The following RBFOX1 variants were observed in gnomAD, a reference collection of about 807,000 sequenced individuals.
RBFOX1 encodes RNA binding fox-1 homolog 1, also known as RNA binding protein fox-1 homolog 1.
A neutral mutation model predicts 57.7 loss-of-function variants in RBFOX1; 8 were observed. The ratio of observed to expected loss-of-function variants is 0.14; its 90% confidence interval spans 0.08 to 0.25. The LOEUF (loss-of-function observed/expected upper bound fraction) is 0.25. Ranked by LOEUF, RBFOX1 falls within the 10% of genes least tolerant of loss-of-function variation. The pLI is 1.00. For missense variants in RBFOX1, 611 were observed against 548.5 expected, an observed-to-expected ratio of 1.11 and a Z score of -1.14; for synonymous variants, 326 against 222.4, an observed-to-expected ratio of 1.47 and a Z score of -4.15.
intron 1 of RBFOX1, among the ~76,000 whole-genome samples, chr16:6,146,924 C>T (rs868049308): frequency 1.3e-5 from 2 of 152,234 alleles, no homozygotes; most frequent in African/African-American, 4.8e-5. Flanking sequence ...CATGGCATCA[C>T]GTGGCTCTTC....
chr16:6,513,699 A>C (rs887329171), intron 2 of RBFOX1, among the ~76,000 whole-genome samples: 1 of 152,138 alleles, frequency 6.6e-6, no homozygotes, highest in African/African-American at 2.4e-5. Context: ...GCACCATTGC[A>C]CTCCAGCCTG....
At chr16:5,911,759 T>C (rs1259179121) in intron 4 of RBFOX1, among the ~76,000 whole-genome samples, 1 of 152,138 alleles carries the variant, frequency 6.6e-6, no homozygotes, top group Non-Finnish European at 1.5e-5. Flanking sequence ...TCACAGGTGG[T>C]GCCTTTGCAC....
In RBFOX1 at chr16:6,515,783, C is replaced by T. The variant is rs561395296; in HGVS notation, c.-63-138820C>T. Among the ~76,000 whole-genome samples, 175 of 152,246 alleles carry T rather than the reference C, an allele frequency of 1.1e-3. 2 individuals are homozygous for T. The highest frequency in any genetic ancestry group is 4.0e-3 in the African/African-American group (168 of 41,548). ...TAAACATACTTGCACCTGCTGTTTC[C>T]TTTACCTGGAACAGCTCCTTCATCC... On this transcript the variant is annotated intron_variant, in intron 2 of 15. Coordinates refer to ENST00000550418, the MANE Select transcript of RBFOX1 (RefSeq NM_018723.4).
At chr16:5,832,326 G>A (rs1262194662) in intron 3 of RBFOX1, among the ~76,000 whole-genome samples, 2 of 152,186 alleles carry the variant, frequency 1.3e-5, no homozygotes, top group South Asian at 2.1e-4. Context: ...ACTAGGGAAG[G>A]GTGAATCCAC....
intron 2 of RBFOX1, among the ~76,000 whole-genome samples, chr16:6,593,852 T>C (rs1184904731): frequency 1.3e-5 from 2 of 152,204 alleles, no homozygotes; most frequent in Non-Finnish European, 1.5e-5. Flanking sequence ...AGGTGATCTC[T>C]GAATGATGGA....
At chr16:7,596,763 T>C (rs1417682687) in intron 8 of RBFOX1, among the ~76,000 whole-genome samples, 1 of 152,192 alleles carries the variant, frequency 6.6e-6, no homozygotes, top group Non-Finnish European at 1.5e-5. Flanking sequence ...AACCCCATAT[T>C]GTGTTAAACA....
chr16:6,744,004 A>C (rs965457803), intron 3 of RBFOX1, among the ~76,000 whole-genome samples: 2 of 151,868 alleles, frequency 1.3e-5, no homozygotes. Context: ...GTGTGTTCGC[A>C]TGTTTAAATA....
intron 3 of RBFOX1, among the ~76,000 whole-genome samples, chr16:6,878,433 G>C (rs11643200): frequency 0.22 from 33,046 of 152,158 alleles, 4,513 homozygotes; most frequent in Admixed American, 0.36. Context: ...AGATTGCTGA[G>C]AGTCTTTGAG....
chr16:6,472,214 T>C (rs1390048654), intron 2 of RBFOX1, among the ~76,000 whole-genome samples: 6 of 152,138 alleles, frequency 3.9e-5, no homozygotes, highest in African/African-American at 9.7e-5. Context: ...CTGACCCAGG[T>C]CCCTGGACAA....
At chr16:7,381,146 C>T (rs972162763) in intron 4 of RBFOX1, among the ~76,000 whole-genome samples, 2 of 152,196 alleles carry the variant, frequency 1.3e-5, no homozygotes, top group Non-Finnish European at 2.9e-5. Context: ...ACAGATAGTT[C>T]TAGATGCTTG....
intron 4 of RBFOX1, among the ~76,000 whole-genome samples, chr16:5,896,551 G>T (rs528652761): frequency 1.3e-5 from 2 of 152,282 alleles, no homozygotes; most frequent in East Asian, 1.9e-4. Context: ...GCAGATGCTG[G>T]TGCCATGCTT....
At chr16:7,540,454 C>G (rs549878120) in intron 5 of RBFOX1, among the ~76,000 whole-genome samples, 13 of 152,304 alleles carry the variant, frequency 8.5e-5, no homozygotes, top group African/African-American at 2.9e-4. Context: ...TGTTATTTAT[C>G]ATCAGTTATA....
intron 2 of RBFOX1, among the ~76,000 whole-genome samples, chr16:6,611,785 C>T (rs1462264919): frequency 6.6e-6 from 1 of 152,172 alleles, no homozygotes; most frequent in Non-Finnish European, 1.5e-5. Context: ...CCTTCTCTCT[C>T]TGCTTCCCAA....
intron 1 of RBFOX1, among the ~76,000 whole-genome samples, chr16:5,375,376 A>C (rs55903431): frequency 0.016 from 2,504 of 152,298 alleles, 68 homozygotes; most frequent in African/African-American, 0.056. Context: ...GGCTGCAGCC[A>C]AGGGGCATGG....
intron 4 of RBFOX1, among the ~76,000 whole-genome samples, chr16:7,161,849 C>T (rs761098992): frequency 4.6e-5 from 7 of 152,204 alleles, no homozygotes; most frequent in Non-Finnish European, 7.3e-5. Flanking sequence ...AGACAGAACA[C>T]GTTCAATTGA....
intron 3 of RBFOX1, among the ~76,000 whole-genome samples, chr16:7,001,130 T>C (rs984172735): frequency 6.6e-6 from 1 of 152,162 alleles, no homozygotes; most frequent in East Asian, 1.9e-4. Context: ...TTCCTTCATT[T>C]TTTTCCAGTT....
chr16:5,429,731 A>G (rs1288049250), intron 1 of RBFOX1, among the ~76,000 whole-genome samples: 2 of 152,198 alleles, frequency 1.3e-5, no homozygotes, highest in Admixed American at 6.5e-5. Flanking sequence ...TCACTGTGCC[A>G]TAATTCTGCT....
chr16:5,816,458 A>G (rs7189684), intron 3 of RBFOX1, among the ~76,000 whole-genome samples: 99,786 of 151,928 alleles, frequency 0.66, 33,041 homozygotes, highest in South Asian at 0.73. Flanking sequence ...CCCAAATTCC[A>G]TAGCCTCTCA....
chr16:7,165,481 G>C (rs2079279552), intron 4 of RBFOX1, among the ~76,000 whole-genome samples: 1 of 151,522 alleles, frequency 6.6e-6, no homozygotes, highest in African/African-American at 2.4e-5. Context: ...CCAGGCTGGA[G>C]TGCAATGGCA....
Sources: allele counts gnomAD v4.1 joint callset (sites outside exome capture counted in the v4.1 genomes callset), GRCh38; gene constraint gnomAD v4.1.1; transcripts MANE v1.5; gene names NCBI Gene and HGNC (gene_info 2026-07-23, HGNC 2026-07-21).